The following EPHB1 variants were observed in gnomAD, a reference collection of about 807,000 sequenced individuals.
EPHB1 encodes EPH receptor B1.
In EPHB1, 30 loss-of-function variants were observed where a neutral mutation model predicts 94.4. The observed-to-expected ratio is 0.32, with a 90% CI of 0.24 to 0.43. The LOEUF is 0.43. EPHB1 is among the 20% of genes least tolerant of loss of function. The pLI is 1.00. For missense variants in EPHB1, 1,055 were observed against 1,308.3 expected (o/e 0.81, Z 2.99); for synonymous variants, 522 against 489.1 (o/e 1.07, Z -0.89).
intron 12 of EPHB1, among the ~76,000 whole-genome samples, chr3:135,222,133 G>A (rs1943289913): frequency 6.6e-6 from 1 of 152,172 alleles, no homozygotes; most frequent in Non-Finnish European, 1.5e-5. Context: ...TAACCTAAGT[G>A]AGGTATTTAC....
chr3:135,136,561 C>G (rs10049095), intron 5 of EPHB1, among the ~76,000 whole-genome samples: 45,577 of 152,054 alleles, frequency 0.3, 7,047 homozygotes, highest in South Asian at 0.37. Context: ...TGAATTTGCT[C>G]AGCATCTCAC....
At chr3:135,236,654 T>C (rs1414643748) in intron 12 of EPHB1, among the ~76,000 whole-genome samples, 1 of 152,202 alleles carries the variant, frequency 6.6e-6, no homozygotes, top group Non-Finnish European at 1.5e-5. Context: ...CACTCGGCCA[T>C]GAACCTATCA....
intron 3 of EPHB1, among the ~76,000 whole-genome samples, chr3:134,994,641 A>G (rs1934929720): frequency 1.3e-5 from 2 of 152,144 alleles, no homozygotes; most frequent in Non-Finnish European, 2.9e-5. Flanking sequence ...CCAGGCTGGC[A>G]TTGAACTCCT....
At chr3:135,245,252 A>G (rs1007184422) in intron 13 of EPHB1, among the ~76,000 whole-genome samples, 5 of 152,156 alleles carry the variant, frequency 3.3e-5, no homozygotes, top group African/African-American at 1.2e-4. Context: ...AATCTTTGTA[A>G]CAATCTCATC....
intron 1 of EPHB1, among the ~76,000 whole-genome samples, chr3:134,799,354 A>G (rs755435081): frequency 1.3e-5 from 2 of 152,212 alleles, no homozygotes; most frequent in Non-Finnish European, 2.9e-5. Context: ...TGAGCCTACA[A>G]GCAGTAGCAG....
intron 2 of EPHB1, among the ~76,000 whole-genome samples, chr3:134,938,805 A>T (rs1336209680): frequency 6.6e-6 from 1 of 152,150 alleles, no homozygotes; most frequent in East Asian, 1.9e-4. Context: ...AGGTACTATT[A>T]GGTACTATCC....
At chr3:135,087,418 G>A (rs145503268) in intron 3 of EPHB1, among the ~76,000 whole-genome samples, 16 of 152,274 alleles carry the variant, frequency 1.1e-4, no homozygotes, top group African/African-American at 3.9e-4. Context: ...TGTGGAAATG[G>A]TAAAGGGGGA....
intron 1 of EPHB1, among the ~76,000 whole-genome samples, chr3:134,882,722 T>C (rs114308435): frequency 0.052 from 7,375 of 142,584 alleles, 291 homozygotes; most frequent in South Asian, 0.099. Flanking sequence ...CTTCTTTCCT[T>C]CTTCTTTCCT....
chr3:135,123,118 G>A (rs1214440216), intron 4 of EPHB1, among the ~76,000 whole-genome samples: 3 of 152,184 alleles, frequency 2.0e-5, no homozygotes, highest in Non-Finnish European at 4.4e-5. Context: ...TACCCCAGGT[G>A]GAAGAGTTGT....
At chr3:135,224,844 A>C (rs901537638) in intron 12 of EPHB1, among the ~76,000 whole-genome samples, 1 of 152,228 alleles carries the variant, frequency 6.6e-6, no homozygotes, top group Admixed American at 6.5e-5. Flanking sequence ...TGACATTTTG[A>C]ACATTACATT....
chr3:134,967,321 C>G (rs1374354356), intron 3 of EPHB1, among the ~76,000 whole-genome samples: 1 of 152,148 alleles, frequency 6.6e-6, no homozygotes, highest in Non-Finnish European at 1.5e-5. Flanking sequence ...GAAATAGAAC[C>G]TGGGAAGACA....
chr3:134,839,994 G>A (rs373709733), intron 1 of EPHB1, among the ~76,000 whole-genome samples: 4 of 152,302 alleles, frequency 2.6e-5, no homozygotes, highest in African/African-American at 9.6e-5. Flanking sequence ...TAGGGAGCTA[G>A]CATTTATTTA....
At chr3:135,187,429 G>A (rs1349352451) in intron 10 of EPHB1, among the ~76,000 whole-genome samples, 1 of 152,194 alleles carries the variant, frequency 6.6e-6, no homozygotes, top group Non-Finnish European at 1.5e-5. Flanking sequence ...GCTCTTTAGA[G>A]TTCAGATGAT....
chr3:134,986,765 C>A (rs1934616232), intron 3 of EPHB1, among the ~76,000 whole-genome samples: 1 of 144,558 alleles, frequency 6.9e-6, no homozygotes, highest in Non-Finnish European at 1.5e-5. Flanking sequence ...AAACAAGAGA[C>A]CTATTTTCCA....
chr3:135,173,959 G>A (rs1000869169), intron 9 of EPHB1, among the ~76,000 whole-genome samples: 1 of 152,136 alleles, frequency 6.6e-6, no homozygotes, highest in African/African-American at 2.4e-5. Context: ...CCCCACATCT[G>A]ACTGCTCATC....
intron 3 of EPHB1, among the ~76,000 whole-genome samples, chr3:135,076,748 A>C (rs553692509): frequency 5.8e-4 from 89 of 152,374 alleles, no homozygotes; most frequent in African/African-American, 2.0e-3. Context: ...ATACAATGGA[A>C]TATTGTTCAT....
intron 4 of EPHB1, among the ~76,000 whole-genome samples, chr3:135,112,192 T>G (rs1939474433): frequency 6.6e-6 from 1 of 152,002 alleles, no homozygotes; most frequent in South Asian, 2.1e-4. Context: ...ATCCAGAGGG[T>G]AGCCAGTGTA....
intron 4 of EPHB1, among the ~76,000 whole-genome samples, chr3:135,125,040 C>G (rs1167010108): frequency 6.6e-6 from 1 of 151,684 alleles, no homozygotes; most frequent in Non-Finnish European, 1.5e-5. Context: ...GTCTGGTATT[C>G]ATTGTCGGCA....
At position 135,194,035 on chromosome 3, in the gene EPHB1, G is replaced by A. The variant is rs567925928; in HGVS notation, c.2130+1212G>A. 3.9e-5 allele frequency among the ~76,000 whole-genome samples: 6 copies of A among 152,284 alleles called. No individual in the cohort carries two copies. In the East Asian group the frequency reaches 1.2e-3, roughly 29 times the overall value. ...TAGGTGGCCTGCTTGGACTTCCTTA[G>A]AGCAAGCTGGGTCTCAAGAAAAAGC... On this transcript the variant is annotated intron_variant, in intron 11 of 15. Coordinates refer to ENST00000398015, the MANE Select transcript of EPHB1 (RefSeq NM_004441.5).
Sources: gnomAD v4.1 joint callset for allele counts (sites outside exome capture counted in the v4.1 genomes callset) on GRCh38, gnomAD v4.1.1 for gene constraint, MANE v1.5 for transcripts, NCBI Gene and HGNC (gene_info 2026-07-23, HGNC 2026-07-21) for gene names.